Variants in ETFRF1 observed in about 807,000 individuals in gnomAD.
The protein encoded by ETFRF1 is electron transfer flavoprotein regulatory factor 1.
ETFRF1 carries 12 observed loss-of-function variants against 9.0 expected under a neutral mutation model. The ratio of observed to expected loss-of-function variants is 1.34; its 90% CI spans 0.86 to 2.16. The LOEUF (loss-of-function observed/expected upper bound fraction) is 2.16, where lower values mean the gene tolerates loss of function less well. Ranked by LOEUF, ETFRF1 falls within the 30% of genes most tolerant of loss-of-function variation. The probability of loss-of-function intolerance (pLI) is 0.00; values close to 1 mark genes in which losing one functional copy is unlikely to be tolerated. For synonymous variants in ETFRF1, 34 were observed against 33.2 expected (o/e 1.02, Z -0.08); for missense variants, 98 against 101.8 (o/e 0.96, Z 0.16).
chr12:25,203,065 GAA>G (rs1951088923), intron 1 of ETFRF1, among the ~76,000 whole-genome samples: 1 of 152,188 alleles, frequency 6.6e-6, no homozygotes, highest in Non-Finnish European at 1.5e-5. Context: ...GTTCCTTGGA[GAA>G]ATAATTTTAC....
chr12:25,199,905 A>G (rs1479274997), intron 1 of ETFRF1, among the ~76,000 whole-genome samples: 4 of 152,106 alleles, frequency 2.6e-5, no homozygotes, highest in Non-Finnish European at 5.9e-5. Context: ...AAATGAGAAA[A>G]TCCCCCATAC....
rs745371504 is a variant in ETFRF1, at chr12:25,204,823, A to ATAAT, written c.*512_*515dup. ...GATTTAAATGTAGTTATAGAAATAAATAATATGTATGGAGTCATTACTTCT... is the reference window on the plus strand; with the variant it reads ...GATTTAAATGTAGTTATAGAAATAAATAATTAATATGTATGGAGTCATTACTTCT... On this transcript the variant is annotated 3_prime_UTR_variant, in exon 3 of 3. Transcript: ENST00000381356. 8 of 190,510 alleles carry ATAAT rather than the reference A, an allele frequency of 4.2e-5. No homozygotes were observed. The highest frequency in any genetic ancestry group is 7.7e-5 in the Non-Finnish European group (7 of 90,458). 11.8% of individuals were successfully genotyped at this position (190,510 alleles called of 1,614,324 possible).
chr12:25,198,424 T>G (rs1951048363), intron 1 of ETFRF1, among the ~76,000 whole-genome samples: 1 of 152,032 alleles, frequency 6.6e-6, no homozygotes, highest in Non-Finnish European at 1.5e-5. Context: ...GTCTATATGC[T>G]TCACCCACGT....
At chr12:25,196,072 A>G (rs1452651961) in intron 1 of ETFRF1, 1 of 152,200 alleles carries the variant, frequency 6.6e-6, no homozygotes, top group East Asian at 1.9e-4. Context: ...ATAATGCTCT[A>G]TCCCTTCCAG....
chr12:25,196,823 T>G (rs1951023274), intron 1 of ETFRF1, among the ~76,000 whole-genome samples: 2 of 152,194 alleles, frequency 1.3e-5, no homozygotes, highest in South Asian at 4.1e-4. Context: ...TCTTAGTGGC[T>G]AAAGTAAACC....
chr12:25,203,946 T>A lies in ETFRF1; in HGVS notation c.-11T>A, dbSNP rs1025393491. The A allele has an allele frequency of 2.8e-6, 4 of 1,453,910 alleles. No homozygotes were observed. The highest frequency in any genetic ancestry group is 3.6e-6 in the Non-Finnish European group (4 of 1,103,108). 90.1% of individuals were successfully genotyped at this position (1,453,910 alleles called of 1,614,324 possible). ...TATGTTATGCATAAAAGTGGATAAT[T>A]TACATGATAAATGAAAATGGCCAAT... On this transcript the variant is annotated 5_prime_UTR_variant, in exon 2 of 3. Coordinates refer to ENST00000381356, the MANE Select transcript of ETFRF1 (RefSeq NM_001001660.3).
At chr12:25,201,947 A>ACGGTG (rs1356485004) in intron 1 of ETFRF1, among the ~76,000 whole-genome samples, 2 of 151,598 alleles carry the variant, frequency 1.3e-5, no homozygotes, top group Non-Finnish European at 2.9e-5. Context: ...GCGGCCGGGC[A>ACGGTG]CGGTGGCTCA....
At chr12:25,201,185 TTTTTGCTATGTATTGGCCAGAAATCAGG>T (rs1951070849) in intron 1 of ETFRF1, among the ~76,000 whole-genome samples, 1 of 152,214 alleles carries the variant, frequency 6.6e-6, no homozygotes, top group African/African-American at 2.4e-5. Context: ...CTCCTTCCCA[TTTTTGCTATGTATTGGCCAGAAATCAGG>T]TATCAATTCT....
At chr12:25,199,548 A>G (rs770750256) in intron 1 of ETFRF1, among the ~76,000 whole-genome samples, 4 of 150,900 alleles carry the variant, frequency 2.7e-5, no homozygotes, top group South Asian at 2.1e-4. Context: ...GTGGTGGGAA[A>G]ACTACATACT....
chr12:25,202,982 C>A (rs12310501), intron 1 of ETFRF1, among the ~76,000 whole-genome samples: 10,220 of 152,152 alleles, frequency 0.067, 1,077 homozygotes, highest in African/African-American at 0.23. Context: ...ATTTTTAGCA[C>A]CCAGACCTTG....
At chr12:25,202,837 A>ATGTT (rs1363491209) in intron 1 of ETFRF1, among the ~76,000 whole-genome samples, 13 of 152,304 alleles carry the variant, frequency 8.5e-5, no homozygotes, top group African/African-American at 3.1e-4. Flanking sequence ...TTGGAATTGA[A>ATGTT]TGTTAGGTAG....
At chr12:25,199,619 TACACACAC>T (rs56221882) in intron 1 of ETFRF1, among the ~76,000 whole-genome samples, 12 of 143,662 alleles carry the variant, frequency 8.4e-5, no homozygotes, top group East Asian at 2.0e-4. Context: ...TATGTATACA[TACACACAC>T]ACACACACAC....
At chr12:25,197,421 A>G (rs1951039644) in intron 1 of ETFRF1, among the ~76,000 whole-genome samples, 6 of 152,228 alleles carry the variant, frequency 3.9e-5, no homozygotes. Flanking sequence ...TGTATATTTA[A>G]TTTTAAATTA....
At position 25,204,969 on chromosome 12, in the gene ETFRF1, C is replaced by G. The variant is rs1951118381; in HGVS notation, c.*657C>G. ...TAAAACCAAGTCACCTGTTGTGTAT[C>G]AATTACCTTCTTTGATAAAAGGAAA... On this transcript the variant is annotated 3_prime_UTR_variant, in exon 3 of 3. Transcript: ENST00000381356. 1 of 203,898 alleles carries G rather than the reference C, an allele frequency of 4.9e-6. No individual in the cohort carries two copies. Among genetic ancestry groups the G allele is most frequent in the African/African-American group, 2.3e-5 (1 of 43,744 alleles). The allele number at this position is 203,898 out of a possible 1,614,324, so 12.6% of individuals were successfully genotyped here. A position where few individuals can be genotyped will look rare whatever the true frequency, so the allele number is the denominator to read the frequency against.
At chr12:25,201,708 A>C (rs1205607718) in intron 1 of ETFRF1, among the ~76,000 whole-genome samples, 1 of 152,180 alleles carries the variant, frequency 6.6e-6, no homozygotes, top group Non-Finnish European at 1.5e-5. Context: ...AAATTGTAAA[A>C]GGTGTAAATT....
intron 1 of ETFRF1, among the ~76,000 whole-genome samples, chr12:25,199,299 T>A (rs1450231832): frequency 6.7e-6 from 1 of 148,422 alleles, no homozygotes; most frequent in Non-Finnish European, 1.5e-5. Flanking sequence ...CTACGTAGTA[T>A]GTACTACATA....
In ETFRF1 at chr12:25,204,005, A is replaced by C; in HGVS notation, c.49A>C (p.Asn17His). ...AGGAGAAGTACTAAAACTTTATAAA[A>C]ATGTAAGTAATTATGTTGCCAATTT... ...LRGEVLKLYK[N>H]LLYLGRDYPK... is the part of the protein sequence containing the mutation. Residue 17 changes from asparagine (N) to histidine (H), a missense_variant and splice_region_variant, in exon 2 of 3, where the codon AAT (asparagine) becomes CAT (histidine). Transcript: ENST00000381356. 6.6e-7 allele frequency: 1 copy of C among 1,509,002 alleles called. No homozygotes were observed. Among genetic ancestry groups the C allele is most frequent in the Non-Finnish European group, 8.9e-7 (1 of 1,129,142 alleles). 93.5% of individuals were successfully genotyped at this position (1,509,002 alleles called of 1,614,324 possible).
In ETFRF1 at chr12:25,204,807, G is replaced by GTAGT. The variant is rs2141474754; in HGVS notation, c.*498_*501dup. The GTAGT allele has an allele frequency of 5.3e-6, 1 of 188,326 alleles. No individual in the cohort carries two copies. Among genetic ancestry groups the GTAGT allele is most frequent in the African/African-American group, 2.3e-5 (1 of 42,984 alleles). 11.7% of individuals were successfully genotyped at this position (188,326 alleles called of 1,614,324 possible). On this transcript the variant is annotated 3_prime_UTR_variant, in exon 3 of 3. Coordinates refer to ENST00000381356, the MANE Select transcript of ETFRF1 (RefSeq NM_001001660.3). Reference sequence around the variant, plus strand: ...AACAGTTCCTGGTAATGATTTAAATGTAGTTATAGAAATAAATAATATGTA... The same window carrying GTAGT: ...AACAGTTCCTGGTAATGATTTAAATGTAGTTAGTTATAGAAATAAATAATATGTA...
chr12:25,203,747 G>C (rs1346556079), intron 1 of ETFRF1, 173 bp from the exon 2 acceptor site: 2 of 395,472 alleles, frequency 5.1e-6, no homozygotes, highest in African/African-American at 2.1e-5. Flanking sequence ...TATGACAGCA[G>C]GTAATTTTAT....
Sources: allele counts gnomAD v4.1 joint callset (sites outside exome capture counted in the v4.1 genomes callset), GRCh38; gene constraint gnomAD v4.1.1; transcripts MANE v1.5; gene names NCBI Gene and HGNC (gene_info 2026-07-23, HGNC 2026-07-21).